The following ST8SIA5 variants were observed in gnomAD, a reference collection of about 807,000 sequenced individuals.
ST8SIA5 encodes the protein alpha-2,8-sialyltransferase 8E.
Under a neutral mutation model 40.2 loss-of-function variants are expected in ST8SIA5, and 24 were observed. That is an observed-to-expected ratio of 0.60 (90% confidence interval 0.43 to 0.84). The LOEUF (loss-of-function observed/expected upper bound fraction) is 0.84. ST8SIA5 is among the 40% of genes least tolerant of loss of function. The probability of loss-of-function intolerance (pLI) is 0.00; values close to 1 mark genes in which losing one functional copy is unlikely to be tolerated. For missense variants in ST8SIA5, 465 were observed against 498.5 expected (o/e 0.93, Z 0.64); for synonymous variants, 198 against 201.8 (o/e 0.98, Z 0.16).
chr18:46,684,544 C>T (rs11873719), intron 5 of ST8SIA5, among the ~76,000 whole-genome samples: 9,373 of 152,226 alleles, frequency 0.062, 378 homozygotes, highest in East Asian at 0.15. Flanking sequence ...GTAACTTACG[C>T]AAAGTAACAC....
At chr18:46,704,917 C>T (rs2144501496) in intron 1 of ST8SIA5, among the ~76,000 whole-genome samples, 1 of 152,344 alleles carries the variant, frequency 6.6e-6, no homozygotes, top group East Asian at 1.9e-4. Flanking sequence ...AAACAGATTT[C>T]AGCACACAGG....
At chr18:46,721,370 G>C (rs2039861490) in intron 1 of ST8SIA5, 3 of 1,536,012 alleles carry the variant, frequency 2.0e-6, no homozygotes, top group Non-Finnish European at 8.7e-7. Context: ...ACCTGGAGCT[G>C]GAGTCACTGC....
At chr18:46,694,865 A>G (rs1257404274) in intron 2 of ST8SIA5, among the ~76,000 whole-genome samples, 1 of 152,066 alleles carries the variant, frequency 6.6e-6, no homozygotes, top group African/African-American at 2.4e-5. Context: ...CCCACTTTAA[A>G]AACCCTTTTT....
intron 3 of ST8SIA5, among the ~76,000 whole-genome samples, chr18:46,689,887 C>T (rs776568438): frequency 6.6e-6 from 1 of 150,400 alleles, no homozygotes; most frequent in Non-Finnish European, 1.5e-5. Flanking sequence ...CCATGCCTGG[C>T]CTATAATGTT....
At chr18:46,708,935 G>A (rs1174898580) in intron 1 of ST8SIA5, among the ~76,000 whole-genome samples, 1 of 152,150 alleles carries the variant, frequency 6.6e-6, no homozygotes, top group East Asian at 1.9e-4. Flanking sequence ...ACTCCAGGTA[G>A]TACCTTAGCC....
intron 1 of ST8SIA5, among the ~76,000 whole-genome samples, chr18:46,744,930 T>A (rs1407885310): frequency 6.6e-6 from 1 of 152,268 alleles, no homozygotes; most frequent in Non-Finnish European, 1.5e-5. Flanking sequence ...ACTGCACAAC[T>A]ACATGGAAAC....
chr18:46,707,707 G>A lies in ST8SIA5; in HGVS notation c.132-3043C>T, dbSNP rs145689882. Among the ~76,000 whole-genome samples the A allele has an allele frequency of 6.5e-3, 987 of 152,296 alleles. 9 individuals carry two copies. Among genetic ancestry groups the A allele is most frequent in the African/African-American group, 0.022 (916 of 41,554 alleles). Reference sequence around the variant, plus strand: ...TTGAGATCCTAACAGGCAAGGTAATGGTATTAGGAGGTGGGGCCACTGGGA... The same window carrying A: ...TTGAGATCCTAACAGGCAAGGTAATAGTATTAGGAGGTGGGGCCACTGGGA... On this transcript the variant is annotated intron_variant, in intron 1 of 6. Transcript: ENST00000315087.
intron 1 of ST8SIA5, among the ~76,000 whole-genome samples, chr18:46,725,975 ATATATATATATATATAT>A (rs2039918733): frequency 4.1e-4 from 11 of 27,146 alleles, no homozygotes; most frequent in East Asian, 5.1e-3. Flanking sequence ...AAAAAAAAAT[ATATATATATATATATAT>A]ATATATATAT....
Position 46,756,664 on chromosome 18 carries a change from C to G in ST8SIA5, c.-156G>C, listed in dbSNP as rs2040252152. ...GGGGCAAAGTTTCTGGTTGGCGCGG[C>G]CGGAGCTGGGGGCATCCAAGCGTCG... On this transcript the variant is annotated 5_prime_UTR_variant, in exon 1 of 7. Coordinates refer to ENST00000315087, the MANE Select transcript of ST8SIA5 (RefSeq NM_013305.6). 2 of 895,936 alleles carry G rather than the reference C, an allele frequency of 2.2e-6. No homozygotes were observed. The highest frequency in any genetic ancestry group is 1.8e-5 in the South Asian group (1 of 54,068). 55.5% of individuals were successfully genotyped at this position (895,936 alleles called of 1,614,324 possible). A position where few individuals can be genotyped will look rare whatever the true frequency, so the allele number is the denominator to read the frequency against.
At chr18:46,719,706 C>CTTTCTTTCTTTCTTTCTT (rs879729983) in intron 1 of ST8SIA5, among the ~76,000 whole-genome samples, 4 of 145,574 alleles carry the variant, frequency 2.7e-5, no homozygotes, top group South Asian at 2.2e-4. Context: ...TTCTTTCTTT[C>CTTTCTTTCTTTCTTTCTT]TCTCTTTCTT....
intron 2 of ST8SIA5, among the ~76,000 whole-genome samples, chr18:46,698,578 A>G (rs2039580157): frequency 6.6e-6 from 1 of 152,220 alleles, no homozygotes; most frequent in Admixed American, 6.5e-5. Context: ...CACACCAACA[A>G]TCAGGTAAAA....
At chr18:46,742,725 G>A (rs2040099477) in intron 1 of ST8SIA5, among the ~76,000 whole-genome samples, 1 of 152,234 alleles carries the variant, frequency 6.6e-6, no homozygotes, top group Non-Finnish European at 1.5e-5. Flanking sequence ...TCCCAGCATG[G>A]TCTTTGATCT....
chr18:46,676,719 G>A lies in ST8SIA5; in HGVS notation c.*3323C>T, dbSNP rs1270005213. On this transcript the variant is annotated 3_prime_UTR_variant, in exon 7 of 7. Coordinates refer to ENST00000315087, the MANE Select transcript of ST8SIA5 (RefSeq NM_013305.6). ...GTGGGTTTAGCACAAAGGAAGACAT[G>A]ATGGTTGTTTTGTTTACGGGAATCG... 3 of 152,386 alleles carry A rather than the reference G, an allele frequency of 2.0e-5. No individual in the cohort carries two copies. The highest frequency in any genetic ancestry group is 1.9e-4 in the East Asian group (1 of 5,188). The allele number at this position is 152,386 out of a possible 1,614,324, so 9.4% of individuals were successfully genotyped here.
chr18:46,688,208 G>A (rs2144472940), intron 4 of ST8SIA5, among the ~76,000 whole-genome samples: 1 of 152,102 alleles, frequency 6.6e-6, no homozygotes, highest in East Asian at 1.9e-4. Context: ...TATGTGAAAG[G>A]AAAAAAATAA....
chr18:46,706,412 AC>A (rs1330381452), intron 1 of ST8SIA5, among the ~76,000 whole-genome samples: 1 of 150,236 alleles, frequency 6.7e-6, no homozygotes, highest in Non-Finnish European at 1.5e-5. Context: ...GCCTCCTCTG[AC>A]CCTGACCCTG....
chr18:46,749,568 T>A (rs138599391), intron 1 of ST8SIA5, among the ~76,000 whole-genome samples: 2 of 152,192 alleles, frequency 1.3e-5, no homozygotes, highest in East Asian at 3.8e-4. Flanking sequence ...GATAAACTAT[T>A]ATCAGTATGT....
chr18:46,699,491 T>A (rs1305405579), intron 2 of ST8SIA5, among the ~76,000 whole-genome samples: 1 of 152,038 alleles, frequency 6.6e-6, no homozygotes, highest in Non-Finnish European at 1.5e-5. Context: ...GCCATTCTCC[T>A]GTCTCAGCCT....
chr18:46,694,733 C>T (rs563444593), intron 2 of ST8SIA5, among the ~76,000 whole-genome samples: 6 of 152,194 alleles, frequency 3.9e-5, no homozygotes, highest in African/African-American at 1.2e-4. Context: ...AGTGCCTGTA[C>T]CCCCCGATTT....
chr18:46,696,486 C>A (rs2039557966), intron 2 of ST8SIA5, among the ~76,000 whole-genome samples: 1 of 152,224 alleles, frequency 6.6e-6, no homozygotes, highest in South Asian at 2.1e-4. Flanking sequence ...CCTCATCACA[C>A]CCTGGACCAA....
Sources: allele counts gnomAD v4.1 joint callset (sites outside exome capture counted in the v4.1 genomes callset), GRCh38; gene constraint gnomAD v4.1.1; transcripts MANE v1.5; gene names NCBI Gene and HGNC (gene_info 2026-07-23, HGNC 2026-07-21).